Variants in ERBB4 observed in about 807,000 individuals in gnomAD.
ERBB4 encodes receptor tyrosine-protein kinase erbB-4.
In ERBB4, 42 loss-of-function variants were observed where a neutral mutation model predicts 158.0. The ratio of observed to expected loss-of-function variants is 0.27; its 90% CI spans 0.21 to 0.34. The LOEUF (loss-of-function observed/expected upper bound fraction) is 0.34. Ranked by LOEUF, ERBB4 falls within the 10% of genes least tolerant of loss-of-function variation. The probability of loss-of-function intolerance (pLI) is 1.00; values close to 1 mark genes in which losing one functional copy is unlikely to be tolerated. For missense variants in ERBB4, 1,333 were observed against 1,624.1 expected (o/e 0.82, Z 3.08); for synonymous variants, 583 against 558.7 (o/e 1.04, Z -0.61).
chr2:211,744,277 C>G (rs1229716592), intron 5 of ERBB4, among the ~76,000 whole-genome samples: 1 of 152,072 alleles, frequency 6.6e-6, no homozygotes, highest in East Asian at 1.9e-4. Flanking sequence ...AAATAACTTG[C>G]AAAATGTTAC....
rs868137259 is a variant in ERBB4 at position 212,478,984 on chromosome 2, C to A, written c.82+59465G>T. Among the ~76,000 whole-genome samples, 7 of 152,240 alleles carry A rather than the reference C, an allele frequency of 4.6e-5. No individual in the cohort carries two copies. In the Middle Eastern group the frequency reaches 0.01, roughly 222 times the overall value. ...AAATTTCACTTACAGCATTGCTATG[C>A]TTTTGTTGTATCATTATTGCCCCAC... On this transcript the variant is annotated intron_variant, in intron 1 of 27. Transcript: ENST00000342788.
At position 211,619,882 on chromosome 2, in the gene ERBB4, G is replaced by T. The variant is rs79288818; in HGVS notation, c.2203-607C>A. 3.3e-3 allele frequency among the ~76,000 whole-genome samples: 507 copies of T among 152,186 alleles called. 4 individuals carry two copies. Among genetic ancestry groups the T allele is most frequent in the African/African-American group, 0.012 (489 of 41,554 alleles). ...ATATTAATTTGTCTACATTATTAAA[G>T]CATGTGTATATGTGTGTGCGTGAAG... is the stretch of plus-strand genomic sequence containing the variant. On this transcript the variant is annotated intron_variant, in intron 18 of 27. Coordinates refer to ENST00000342788, the MANE Select transcript of ERBB4 (RefSeq NM_005235.3).
chr2:212,091,080 T>C (rs2078760750), intron 2 of ERBB4, among the ~76,000 whole-genome samples: 1 of 152,100 alleles, frequency 6.6e-6, no homozygotes, highest in Admixed American at 6.6e-5. Flanking sequence ...CAATGACACA[T>C]ACCTGACTTT....
At chr2:211,619,945 A>G (rs2069535321) in intron 18 of ERBB4, among the ~76,000 whole-genome samples, 1 of 152,130 alleles carries the variant, frequency 6.6e-6, no homozygotes, top group Admixed American at 6.6e-5. Flanking sequence ...AAATATTTAT[A>G]TTGGCCGTTG....
chr2:211,826,198 C>A (rs2077095953), intron 3 of ERBB4, among the ~76,000 whole-genome samples: 1 of 151,448 alleles, frequency 6.6e-6, no homozygotes, highest in African/African-American at 2.4e-5. Context: ...AGGAGAATTG[C>A]ACAAAATTAG....
chr2:212,431,990 A>G (rs1200057624), intron 1 of ERBB4, among the ~76,000 whole-genome samples: 1 of 152,200 alleles, frequency 6.6e-6, no homozygotes, highest in African/African-American at 2.4e-5. Flanking sequence ...AGAAAATATA[A>G]TCTCTACCAA....
At chr2:211,765,924 T>C (rs2106252816) in intron 4 of ERBB4, among the ~76,000 whole-genome samples, 1 of 152,266 alleles carries the variant, frequency 6.6e-6, no homozygotes, top group South Asian at 2.1e-4. Flanking sequence ...ACAGAAAATA[T>C]TTTTGAAAAA....
intron 4 of ERBB4, among the ~76,000 whole-genome samples, chr2:211,760,695 T>C (rs1232828138): frequency 6.6e-6 from 1 of 152,198 alleles, no homozygotes; most frequent in African/African-American, 2.4e-5. Context: ...TTTTATACTT[T>C]GGACTTAAAT....
chr2:211,781,283 A>AGTT (rs754851244), intron 4 of ERBB4, among the ~76,000 whole-genome samples: 2 of 152,232 alleles, frequency 1.3e-5, no homozygotes, highest in Non-Finnish European at 2.9e-5. Context: ...CTGAAAAAAA[A>AGTT]GTTTAAAACA....
intron 2 of ERBB4, among the ~76,000 whole-genome samples, chr2:212,092,552 CG>C (rs2078810196): frequency 6.6e-6 from 1 of 152,058 alleles, no homozygotes; most frequent in African/African-American, 2.4e-5. Flanking sequence ...AAAATGATAT[CG>C]TTTACAGAAA....
intron 1 of ERBB4, among the ~76,000 whole-genome samples, chr2:212,229,750 G>A (rs1381021346): frequency 6.6e-6 from 1 of 152,092 alleles, no homozygotes; most frequent in Non-Finnish European, 1.5e-5. Flanking sequence ...AAGGAGAGAA[G>A]GAGAGACTTG....
chr2:212,412,322 G>A (rs142584338), intron 1 of ERBB4, among the ~76,000 whole-genome samples: 4 of 152,286 alleles, frequency 2.6e-5, no homozygotes, highest in African/African-American at 9.6e-5. Flanking sequence ...GGGCCTGATG[G>A]CAGGTGTTTG....
At chr2:211,943,094 T>C (rs1299174963) in intron 3 of ERBB4, among the ~76,000 whole-genome samples, 1 of 152,134 alleles carries the variant, frequency 6.6e-6, no homozygotes, top group East Asian at 1.9e-4. Context: ...TAAGTATTTA[T>C]GAAAGATTCC....
chr2:212,089,495 G>T (rs967685309), intron 2 of ERBB4, among the ~76,000 whole-genome samples: 1 of 152,158 alleles, frequency 6.6e-6, no homozygotes, highest in Non-Finnish European at 1.5e-5. Context: ...GGGTCATGGG[G>T]GTGAAGTCCT....
chr2:212,355,234 A>T lies in ERBB4; in HGVS notation c.82+183215T>A, dbSNP rs553567383. Among the ~76,000 whole-genome samples, 5 of 152,178 alleles carry T rather than the reference A, an allele frequency of 3.3e-5. No individual in the cohort carries two copies. The South Asian group carries it at 1.0e-3, about 32-fold the overall frequency. ...TGTATTTTATAACTAAGACTACTAC[A>T]TCTTTGGTAAAATTATCAAGAATAA... On this transcript the variant is annotated intron_variant, in intron 1 of 27. Transcript: ENST00000342788.
At chr2:211,466,856 G>C (rs574743239) in intron 20 of ERBB4, among the ~76,000 whole-genome samples, 54 of 151,946 alleles carry the variant, frequency 3.6e-4, no homozygotes, top group Non-Finnish European at 6.5e-4. Flanking sequence ...CTTATAAATG[G>C]TAATATATCA....
At chr2:211,591,668 C>G (rs917030564) in intron 19 of ERBB4, among the ~76,000 whole-genome samples, 1 of 152,216 alleles carries the variant, frequency 6.6e-6, no homozygotes, top group Non-Finnish European at 1.5e-5. Flanking sequence ...GTTCCCCACA[C>G]TCAGCTCTGC....
At chr2:211,641,677 A>T (rs551898026) in intron 16 of ERBB4, among the ~76,000 whole-genome samples, 1 of 152,290 alleles carries the variant, frequency 6.6e-6, no homozygotes, top group African/African-American at 2.4e-5. Flanking sequence ...GGTAGTTTTT[A>T]TAGAAGAAAC....
At chr2:212,292,465 T>G (rs2086242406) in intron 1 of ERBB4, among the ~76,000 whole-genome samples, 1 of 151,990 alleles carries the variant, frequency 6.6e-6, no homozygotes, top group Non-Finnish European at 1.5e-5. Flanking sequence ...GCAGTTAATT[T>G]CTAGTACCTT....
Sources: allele counts gnomAD v4.1 joint callset (sites outside exome capture counted in the v4.1 genomes callset), GRCh38; gene constraint gnomAD v4.1.1; transcripts MANE v1.5; gene names NCBI Gene and HGNC (gene_info 2026-07-23, HGNC 2026-07-21).